DCAF1: variants seen among roughly 807,000 people sequenced by gnomAD.
The protein encoded by DCAF1 is DDB1 and CUL4 associated factor 1, also known as DDB1- and CUL4-associated factor 1.
DCAF1 carries 15 observed loss-of-function variants against 128.0 expected under a neutral mutation model. The observed-to-expected ratio is 0.12, with a 90% CI of 0.08 to 0.18. The LOEUF is 0.18. Among genes scored for constraint, DCAF1 ranks in the 10% least tolerant of loss-of-function variants. The probability of loss-of-function intolerance (pLI) is 1.00; values close to 1 mark genes in which losing one functional copy is unlikely to be tolerated. For missense variants in DCAF1, 988 were observed against 1,649.5 expected, an observed-to-expected ratio of 0.60 and a Z score of 6.95; for synonymous variants, 610 against 603.0, an observed-to-expected ratio of 1.01 and a Z score of -0.17.
chr3:51,454,708 C>T (rs1702710016), intron 6 of DCAF1, among the ~76,000 whole-genome samples: 2 of 151,650 alleles, frequency 1.3e-5, no homozygotes, highest in South Asian at 4.2e-4. Flanking sequence ...GAGTCTCGCT[C>T]TGTCGCCCAG....
intron 15 of DCAF1, 123 bp from the exon 16 acceptor site, chr3:51,418,999 A>G: frequency 7.3e-7 from 1 of 1,363,318 alleles, no homozygotes; most frequent in Non-Finnish European, 9.6e-7. Context: ...CCAAAATCAC[A>G]GTGACCTTCA....
In DCAF1 at chr3:51,414,052, G is replaced by A. The variant is rs782142858; in HGVS notation, c.3838-9C>T. On this transcript the variant is annotated splice_polypyrimidine_tract_variant and intron_variant, in intron 19 of 24. Transcript: ENST00000684031. ...AAAGTTCGAAGGTCCCACTAGGAGG[G>A]GAATGGTCAAGGAAAACTATTTTAC... The A allele has an allele frequency of 3.1e-6, 5 of 1,590,176 alleles. No homozygotes were observed. The South Asian group carries it at 3.5e-5, about 11-fold the overall frequency.
chr3:51,441,764 A>C lies in DCAF1; in HGVS notation c.647T>G (p.Met216Arg). 3.7e-6 allele frequency: 6 copies of C among 1,613,966 alleles called. No individual in the cohort carries two copies. The highest frequency in any genetic ancestry group is 4.2e-6 in the Non-Finnish European group (5 of 1,179,884). ...ATCTACAGCCATGTCACCATAGTCC[A>C]TATCCACAGCCTCCTCATCCAGAGG... ...LLPLDEEAVD[M>R]DYGDMAVDVV... The change falls in exon 8 of 25, where the codon ATG (methionine) becomes AGG (arginine). Residue 216 changes from methionine to arginine, a missense_variant. Coordinates refer to ENST00000684031, the MANE Select transcript of DCAF1 (RefSeq NM_001387579.1).
chr3:51,491,056 AAAC>A (rs1707580734), intron 2 of DCAF1, among the ~76,000 whole-genome samples: 1 of 150,826 alleles, frequency 6.6e-6, no homozygotes, highest in African/African-American at 2.5e-5. Flanking sequence ...AAAAAAAAAA[AAAC>A]AAAGTCGGGG....
chr3:51,493,353 G>A (rs1435430728), intron 2 of DCAF1, among the ~76,000 whole-genome samples: 2 of 151,994 alleles, frequency 1.3e-5, no homozygotes, highest in African/African-American at 4.8e-5. Flanking sequence ...GCTGAGGCAG[G>A]AGAACCGCTT....
chr3:51,429,994 C>A, intron 11 of DCAF1, 39 bp downstream of exon 11: 1 of 773,676 alleles, frequency 1.3e-6, no homozygotes, highest in Non-Finnish European at 2.4e-6. Flanking sequence ...ACAACCAGGA[C>A]CCTCAATCCT....
At chr3:51,405,116 A>G (rs1439030255) in intron 23 of DCAF1, among the ~76,000 whole-genome samples, 1 of 152,212 alleles carries the variant, frequency 6.6e-6, no homozygotes, top group Non-Finnish European at 1.5e-5. Context: ...TAAGGAAGAA[A>G]GTACCCAGGG....
At chr3:51,404,210 G>C (rs2089946291) in intron 23 of DCAF1, among the ~76,000 whole-genome samples, 1 of 152,184 alleles carries the variant, frequency 6.6e-6, no homozygotes, top group Non-Finnish European at 1.5e-5. Context: ...CTTTGACAGG[G>C]ATAAGAGGCA....
In DCAF1 at chr3:51,398,503, A is replaced by T; in HGVS notation, c.*266T>A. 2.5e-6 allele frequency: 1 copy of T among 395,654 alleles called. No homozygotes were observed. The highest frequency in any genetic ancestry group is 4.5e-6 in the Non-Finnish European group (1 of 222,266). The allele number at this position is 395,654 out of a possible 1,614,324, so 24.5% of individuals were successfully genotyped here. On this transcript the variant is annotated 3_prime_UTR_variant, in exon 25 of 25. Transcript: ENST00000684031. ...CATGGTTTTTTTTTCCCCTTGAAAG[A>T]TATGTCCATCCTAGGAAATGGTGGG... is the stretch of plus-strand genomic sequence containing the variant.
At chr3:51,505,514 T>C in the DCAF1 span, among the ~76,000 whole-genome samples, 1 of 152,278 alleles carries the variant, frequency 6.6e-6, no homozygotes, top group African/African-American at 2.4e-5. Context: ...GAGGGTGTCA[T>C]GGGCTCTTAC....
intron 10 of DCAF1, among the ~76,000 whole-genome samples, chr3:51,432,767 T>C (rs1381879025): frequency 3.9e-5 from 6 of 152,160 alleles, no homozygotes; most frequent in African/African-American, 1.2e-4. Context: ...CCTGTTGTTT[T>C]TACAATAACT....
chr3:51,401,829 A>G (rs2089722053), intron 24 of DCAF1, among the ~76,000 whole-genome samples: 1 of 152,204 alleles, frequency 6.6e-6, no homozygotes, highest in South Asian at 2.1e-4. Context: ...CTCACTATTC[A>G]CACGTGACAA....
chr3:51,495,475 G>C (rs897032149), intron 2 of DCAF1, among the ~76,000 whole-genome samples: 5 of 151,606 alleles, frequency 3.3e-5, no homozygotes, highest in African/African-American at 1.2e-4. Context: ...GTAAGACCTT[G>C]TCTTTATTAT....
upstream of DCAF1, among the ~76,000 whole-genome samples, chr3:51,500,391 T>G (rs1708737730): frequency 6.6e-6 from 1 of 152,178 alleles, no homozygotes; most frequent in Admixed American, 6.6e-5. Flanking sequence ...AGTGTCTTGT[T>G]CTGACCTGTG....
intron 6 of DCAF1, among the ~76,000 whole-genome samples, chr3:51,447,324 C>A (rs1436298795): frequency 6.6e-6 from 1 of 151,810 alleles, no homozygotes; most frequent in Non-Finnish European, 1.5e-5. Context: ...GCATGAGAAT[C>A]GCTTGAACCT....
chr3:51,465,453 G>C (rs976648573), intron 5 of DCAF1, among the ~76,000 whole-genome samples: 2 of 152,104 alleles, frequency 1.3e-5, no homozygotes, highest in Non-Finnish European at 2.9e-5. Flanking sequence ...GATAATAATA[G>C]CTAATACTGG....
At chr3:51,472,163 G>C (rs1553648635) in intron 3 of DCAF1, among the ~76,000 whole-genome samples, 1 of 152,122 alleles carries the variant, frequency 6.6e-6, no homozygotes, top group East Asian at 1.9e-4. Context: ...GCTTCTGCCT[G>C]CTGCTTCCTG....
intron 2 of DCAF1, among the ~76,000 whole-genome samples, chr3:51,488,164 C>A (rs913928395): frequency 2.6e-5 from 4 of 152,060 alleles, no homozygotes; most frequent in Non-Finnish European, 5.9e-5. Context: ...TGCACCAGGC[C>A]TACCAAACAT....
intron 23 of DCAF1, among the ~76,000 whole-genome samples, chr3:51,405,191 G>C (rs1050242746): frequency 2.0e-5 from 3 of 152,134 alleles, no homozygotes; most frequent in Non-Finnish European, 2.9e-5. Context: ...CACAACTAAA[G>C]GTCCACGGTT....
Sources: gnomAD v4.1 joint callset for allele counts (sites outside exome capture counted in the v4.1 genomes callset) on GRCh38, gnomAD v4.1.1 for gene constraint, MANE v1.5 for transcripts, NCBI Gene and HGNC (gene_info 2026-07-23, HGNC 2026-07-21) for gene names.